MECOM: variants seen among roughly 807,000 people sequenced by gnomAD.
MECOM encodes MDS1 and EVI1 complex locus.
In MECOM, 13 loss-of-function variants were observed where a neutral mutation model predicts 116.3. The observed-to-expected ratio is 0.11, with a 90% confidence interval of 0.07 to 0.18. The LOEUF (loss-of-function observed/expected upper bound fraction) is 0.18. Among genes scored for constraint, MECOM ranks in the 10% least tolerant of loss-of-function variants. The pLI, the probability that MECOM is intolerant of heterozygous loss-of-function variation, is 1.00. For missense variants in MECOM, 1,299 were observed against 1,509.0 expected (o/e 0.86, Z 2.31); for synonymous variants, 528 against 535.2 (o/e 0.99, Z 0.19).
At chr3:169,100,635 T>C (rs1723267032) in intron 12 of MECOM, among the ~76,000 whole-genome samples, 1 of 152,154 alleles carries the variant, frequency 6.6e-6, no homozygotes, top group African/African-American at 2.4e-5. Context: ...ACTTATTCTG[T>C]CCTAGACACT....
chr3:169,182,814 T>C (rs1361951706), intron 2 of MECOM, among the ~76,000 whole-genome samples: 1 of 152,164 alleles, frequency 6.6e-6, no homozygotes, highest in Non-Finnish European at 1.5e-5. Flanking sequence ...TCTGGAACTC[T>C]AACTTTCCTG....
intron 1 of MECOM, among the ~76,000 whole-genome samples, chr3:169,399,615 T>G (rs1307060551): frequency 6.6e-6 from 1 of 152,220 alleles, no homozygotes; most frequent in Non-Finnish European, 1.5e-5. Flanking sequence ...AAGCTTTTGA[T>G]AAATAAACCA....
chr3:169,608,908 A>G (rs1768916942), intron 1 of MECOM, among the ~76,000 whole-genome samples: 2 of 152,198 alleles, frequency 1.3e-5, no homozygotes. Flanking sequence ...AGCCTTAAGC[A>G]AAAATGCACT....
intron 1 of MECOM, among the ~76,000 whole-genome samples, chr3:169,400,502 C>T (rs1023203878): frequency 1.3e-5 from 2 of 152,158 alleles, no homozygotes; most frequent in African/African-American, 4.8e-5. Context: ...AGTTGATCTG[C>T]TGATGATCTG....
At chr3:169,161,506 G>T (rs1412542652) in intron 2 of MECOM, among the ~76,000 whole-genome samples, 1 of 152,042 alleles carries the variant, frequency 6.6e-6, no homozygotes, top group Non-Finnish European at 1.5e-5. Flanking sequence ...AAAAATACTG[G>T]TCACAGATTA....
chr3:169,390,350 C>G (rs1278987337), intron 1 of MECOM, among the ~76,000 whole-genome samples: 1 of 152,192 alleles, frequency 6.6e-6, no homozygotes, highest in African/African-American at 2.4e-5. Context: ...AGCTGCCTAA[C>G]CTTGCTCTAA....
intron 1 of MECOM, among the ~76,000 whole-genome samples, chr3:169,591,966 T>C (rs1463084784): frequency 6.6e-6 from 1 of 152,290 alleles, no homozygotes; most frequent in East Asian, 1.9e-4. Context: ...CCCCACCCAT[T>C]TCATCTTCAT....
chr3:169,156,932 T>C (rs1020274329), intron 2 of MECOM, among the ~76,000 whole-genome samples: 1 of 152,186 alleles, frequency 6.6e-6, no homozygotes, highest in African/African-American at 2.4e-5. Flanking sequence ...TGCCTGCCCA[T>C]GACTGTCTAA....
intron 1 of MECOM, among the ~76,000 whole-genome samples, chr3:169,647,991 G>A (rs575158387): frequency 7.4e-4 from 113 of 152,028 alleles, no homozygotes; most frequent in African/African-American, 2.5e-3. Flanking sequence ...AGATGATCAC[G>A]CCTAAGAAAA....
intron 1 of MECOM, among the ~76,000 whole-genome samples, chr3:169,570,131 C>G (rs1763702481): frequency 6.6e-6 from 1 of 152,138 alleles, no homozygotes; most frequent in Non-Finnish European, 1.5e-5. Flanking sequence ...CAAATAGACA[C>G]AATAAAAAAT....
intron 1 of MECOM, chr3:169,484,135 C>A: frequency 1.4e-6 from 1 of 729,360 alleles, no homozygotes. Flanking sequence ...AAAAGTGATT[C>A]TTTTTATCTC....
At chr3:169,274,748 C>T (rs1759382974) in intron 2 of MECOM, among the ~76,000 whole-genome samples, 2 of 152,148 alleles carry the variant, frequency 1.3e-5, no homozygotes, top group Admixed American at 1.3e-4. Flanking sequence ...TTAAGTTCCT[C>T]ACTCACGCTA....
intron 1 of MECOM, among the ~76,000 whole-genome samples, chr3:169,629,082 C>A (rs1306744877): frequency 1.3e-5 from 2 of 151,270 alleles, no homozygotes; most frequent in Non-Finnish European, 2.9e-5. Flanking sequence ...ATCCCATCCC[C>A]TCCCCTCCCT....
intron 5 of MECOM, among the ~76,000 whole-genome samples, chr3:169,125,233 A>G (rs1368246622): frequency 6.6e-6 from 1 of 152,070 alleles, no homozygotes; most frequent in African/African-American, 2.4e-5. Context: ...TGTTTGTTAC[A>G]GAGTGGAATG....
At chr3:169,495,444 T>G (rs1190643001) in intron 1 of MECOM, among the ~76,000 whole-genome samples, 1 of 152,176 alleles carries the variant, frequency 6.6e-6, no homozygotes, top group Non-Finnish European at 1.5e-5. Context: ...ACAATTAGAG[T>G]CTGTATTTTA....
At chr3:169,391,973 C>T (rs141796132) in intron 1 of MECOM, among the ~76,000 whole-genome samples, 1 of 152,122 alleles carries the variant, frequency 6.6e-6, no homozygotes, top group Non-Finnish European at 1.5e-5. Flanking sequence ...AAATTACTAT[C>T]GTTTGCAGCA....
In MECOM at chr3:169,663,462, CCT is replaced by C. The variant is rs1302119652; in HGVS notation, c.-92_-91del. On this transcript the variant is annotated 5_prime_UTR_variant, in exon 1 of 17. Transcript: ENST00000651503. ...CTTTTGCTCTCCCTCTCGCTCCCTC[CCT>C]CTCTCTCCTGTCTCTCTCTCTCTCT... The C allele has an allele frequency of 1.8e-6, 2 of 1,115,658 alleles. No homozygotes were observed. The highest frequency in any genetic ancestry group is 2.8e-5 in the East Asian group (1 of 36,276). The allele number at this position is 1,115,658 out of a possible 1,614,324, so 69.1% of individuals were successfully genotyped here. A position where few individuals can be genotyped will look rare whatever the true frequency, so the allele number is the denominator to read the frequency against.
chr3:169,148,016 A>G (rs1445514992), intron 2 of MECOM, among the ~76,000 whole-genome samples: 1 of 152,122 alleles, frequency 6.6e-6, no homozygotes, highest in East Asian at 1.9e-4. Flanking sequence ...TCTGCTAAGC[A>G]TTAAAAAAAA....
intron 3 of MECOM, among the ~76,000 whole-genome samples, chr3:169,135,512 T>C (rs1736089497): frequency 6.6e-6 from 1 of 151,946 alleles, no homozygotes; most frequent in African/African-American, 2.4e-5. Flanking sequence ...AAATAGATTA[T>C]ATGGAAATTC....
Sources: gnomAD v4.1 joint callset for allele counts (sites outside exome capture counted in the v4.1 genomes callset) on GRCh38, gnomAD v4.1.1 for gene constraint, MANE v1.5 for transcripts, NCBI Gene and HGNC (gene_info 2026-07-23, HGNC 2026-07-21) for gene names.